Variants in CLRN2 observed in about 807,000 individuals in gnomAD.
CLRN2 encodes clarin 2.
Under a neutral mutation model 20.1 loss-of-function variants are expected in CLRN2, and 17 were observed. The observed-to-expected ratio is 0.85, with a 90% CI of 0.58 to 1.27. The LOEUF is 1.27. Ranked by LOEUF, CLRN2 falls within the 50% of genes most tolerant of loss-of-function variation. CLRN2 has a pLI of 0.00. For missense variants in CLRN2, 288 were observed against 299.5 expected (o/e 0.96, Z 0.28); for synonymous variants, 140 against 126.9 (o/e 1.10, Z -0.70).
Position 17,526,943 on chromosome 4 carries a change from A to T in CLRN2, c.560A>T (p.Glu187Val), listed in dbSNP as rs1711992737. ...GTGGTGGTGGAAGAACAGTATGAAG[A>T]GTCGTTTTGGATCTGCGTGGCCAGC... ...QFVVVEEQYE[E>V]SFWICVASAS... is the part of the protein sequence containing the mutation. Residue 187 changes from glutamate (E) to valine (V), a missense_variant, in exon 3 of 3, where the codon GAG becomes GTG. Transcript: ENST00000511148. The T allele has an allele frequency of 1.2e-6, 2 of 1,614,016 alleles. No homozygotes were observed. Among genetic ancestry groups the T allele is most frequent in the Non-Finnish European group, 1.7e-6 (2 of 1,179,884 alleles).
Position 17,515,677 on chromosome 4 carries a change from G to T in CLRN2, c.253+158G>T, listed in dbSNP as rs574888595. Among the ~76,000 whole-genome samples the T allele has an allele frequency of 2.6e-5, 4 of 152,340 alleles. No individual in the cohort carries two copies. In the East Asian group the frequency reaches 7.7e-4, roughly 29 times the overall value. On this transcript the variant is annotated intron_variant, in intron 1 of 2. Coordinates refer to ENST00000511148, the MANE Select transcript of CLRN2 (RefSeq NM_001079827.2). ...AAGGGTTCTGGATCCACATCAAAAA[G>T]ATCTTTCCTTCCTTCCTTGCTTCCT...
intron 2 of CLRN2, 77 bp downstream of exon 2, chr4:17,523,120 G>T: frequency 7.7e-7 from 1 of 1,295,926 alleles, no homozygotes; most frequent in Non-Finnish European, 1.1e-6. Flanking sequence ...GGCAGAAGGT[G>T]TGAAGGAACT....
In CLRN2 at chr4:17,526,806, T is replaced by G. The variant is rs374650747; in HGVS notation, c.434-11T>G. 27 of 1,613,294 alleles carry G rather than the reference T, an allele frequency of 1.7e-5. No individual in the cohort carries two copies. Among genetic ancestry groups the G allele is most frequent in the African/African-American group, 2.7e-5 (2 of 74,924 alleles). On this transcript the variant is annotated splice_polypyrimidine_tract_variant and intron_variant, in intron 2 of 2. Transcript: ENST00000511148. ...GGAGCCGTGAATGAGGGTGACCTTT[T>G]TGAGTTTCAGGCGGCGTCGTGGCGT...
chr4:17,520,638 G>A (rs1271951069), intron 1 of CLRN2, among the ~76,000 whole-genome samples: 1 of 152,224 alleles, frequency 6.6e-6, no homozygotes, highest in Non-Finnish European at 1.5e-5. Flanking sequence ...TCACATAGGT[G>A]ACTGTTTTCT....
At chr4:17,520,674 C>T (rs781423612) in intron 1 of CLRN2, among the ~76,000 whole-genome samples, 1 of 152,174 alleles carries the variant, frequency 6.6e-6, no homozygotes, top group Non-Finnish European at 1.5e-5. Flanking sequence ...GTAAGCATTA[C>T]TATGTTAGTC....
At chr4:17,517,428 G>T (rs558163584) in intron 1 of CLRN2, among the ~76,000 whole-genome samples, 1 of 152,170 alleles carries the variant, frequency 6.6e-6, no homozygotes, top group Non-Finnish European at 1.5e-5. Flanking sequence ...CAGGTAAATC[G>T]TTGAAACTTG....
chr4:17,524,399 C>G (rs1220157150), intron 2 of CLRN2, among the ~76,000 whole-genome samples: 1 of 152,118 alleles, frequency 6.6e-6, no homozygotes, highest in East Asian at 1.9e-4. Context: ...GAACAATAAT[C>G]CCTCGCTATG....
intron 1 of CLRN2, among the ~76,000 whole-genome samples, chr4:17,517,909 A>T (rs1400404206): frequency 1.3e-5 from 2 of 152,098 alleles, no homozygotes; most frequent in Non-Finnish European, 2.9e-5. Context: ...GCTCAGGGAC[A>T]CTGATAGTGC....
chr4:17,521,689 T>G (rs1711840530), intron 1 of CLRN2, among the ~76,000 whole-genome samples: 1 of 152,222 alleles, frequency 6.6e-6, no homozygotes, highest in Non-Finnish European at 1.5e-5. Context: ...AAGGCTCAGA[T>G]TTTATAGCAA....
intron 2 of CLRN2, among the ~76,000 whole-genome samples, chr4:17,526,248 T>G (rs1383632966): frequency 2.0e-5 from 3 of 152,150 alleles, no homozygotes; most frequent in Admixed American, 6.5e-5. Flanking sequence ...GGAAGCATGG[T>G]ACTGGGTAAG....
Position 17,522,847 on chromosome 4 carries a change from G to A in CLRN2, c.254-17G>A, listed in dbSNP as rs768571853. On this transcript the variant is annotated splice_polypyrimidine_tract_variant and intron_variant, in intron 1 of 2. Transcript: ENST00000511148. Reference sequence around the variant, plus strand: ...TAACTCTGACATTGAAATAGTGGCTGTGTCTTGTCTCCCCAGTCTTCCCAC... The same window carrying A: ...TAACTCTGACATTGAAATAGTGGCTATGTCTTGTCTCCCCAGTCTTCCCAC... 4 of 1,609,008 alleles carry A rather than the reference G, an allele frequency of 2.5e-6. No individual in the cohort carries two copies. In the Admixed American group the frequency reaches 6.7e-5, roughly 27 times the overall value.
intron 2 of CLRN2, among the ~76,000 whole-genome samples, chr4:17,524,204 ATGTGTGTGTGTG>A (rs10527873): frequency 1.6e-4 from 24 of 148,510 alleles, no homozygotes; most frequent in Non-Finnish European, 2.2e-4. Flanking sequence ...AAACTACAAG[ATGTGTGTGTGTG>A]TGTGTGTGTG....
chr4:17,518,586 C>A (rs1335613047), intron 1 of CLRN2, among the ~76,000 whole-genome samples: 1 of 152,088 alleles, frequency 6.6e-6, no homozygotes, highest in Non-Finnish European at 1.5e-5. Flanking sequence ...CATGGTGAAA[C>A]CACGTCTCTA....
At position 17,515,419 on chromosome 4, in the gene CLRN2, C is replaced by CA. The variant is rs765342202; in HGVS notation, c.154dup (p.Arg52LysfsTer19). ...GAGTGGATCTGGTCAACGCCACAGACAGAGAGCTGGTCAAGTTCATTGGGG... is the reference window on the plus strand; with the variant it reads ...GAGTGGATCTGGTCAACGCCACAGACAAGAGAGCTGGTCAAGTTCATTGGGG... On this transcript the variant is annotated frameshift_variant, in exon 1 of 3. Transcript: ENST00000511148. LOFTEE classifies it high-confidence loss of function. 3.6e-5 allele frequency: 58 copies of CA among 1,613,838 alleles called. No homozygotes were observed. Among genetic ancestry groups the CA allele is most frequent in the Non-Finnish European group, 4.7e-5 (56 of 1,179,890 alleles).
intron 1 of CLRN2, among the ~76,000 whole-genome samples, chr4:17,518,017 T>C (rs1006671310): frequency 1.1e-4 from 17 of 151,522 alleles, no homozygotes; most frequent in Admixed American, 9.9e-4. Context: ...ACCAGGAGTC[T>C]GTTTCTCCTG....
chr4:17,520,917 C>G (rs980231372), intron 1 of CLRN2, among the ~76,000 whole-genome samples: 5 of 152,130 alleles, frequency 3.3e-5, no homozygotes, highest in African/African-American at 1.2e-4. Context: ...ATTGGAAAGG[C>G]TGAGGCATGA....
At chr4:17,520,257 T>C (rs938404973) in intron 1 of CLRN2, among the ~76,000 whole-genome samples, 16 of 152,228 alleles carry the variant, frequency 1.1e-4, no homozygotes, top group Admixed American at 6.5e-4. Flanking sequence ...AATATGATTA[T>C]TTCTCAATTT....
At chr4:17,523,710 G>T (rs1711892646) in intron 2 of CLRN2, among the ~76,000 whole-genome samples, 1 of 150,258 alleles carries the variant, frequency 6.7e-6, no homozygotes, top group African/African-American at 2.5e-5. Flanking sequence ...AGAAGAGAAG[G>T]GTAGTGTGAG....
chr4:17,525,425 CAGG>C (rs947316035), intron 2 of CLRN2, among the ~76,000 whole-genome samples: 96 of 152,200 alleles, frequency 6.3e-4, no homozygotes, highest in African/African-American at 2.1e-3. Flanking sequence ...TGCTTGAGCT[CAGG>C]AGTTCAAGAC....
Sources: gnomAD v4.1 joint callset for allele counts (sites outside exome capture counted in the v4.1 genomes callset) on GRCh38, gnomAD v4.1.1 for gene constraint, MANE v1.5 for transcripts, NCBI Gene and HGNC (gene_info 2026-07-23, HGNC 2026-07-21) for gene names.